Variants in UBXN8 observed in about 807,000 individuals in gnomAD.
The protein encoded by UBXN8 is UBX domain protein 8, also known as UBX domain-containing protein 8.
UBXN8 carries 27 observed loss-of-function variants against 32.1 expected under a neutral mutation model. That is an observed-to-expected ratio of 0.84 (90% confidence interval 0.62 to 1.16). UBXN8 has a LOEUF of 1.16. UBXN8 is among the 50% of genes most tolerant of loss of function. The pLI is 0.00. For synonymous variants in UBXN8, 109 were observed against 111.8 expected (o/e 0.98, Z 0.16); for missense variants, 306 against 311.4 (o/e 0.98, Z 0.13).
chr8:30,754,839 T>A, intron 4 of UBXN8, 52 bp downstream of exon 4: 1 of 1,520,776 alleles, frequency 6.6e-7, no homozygotes. Context: ...ATGTTTCCTA[T>A]TACATGATTG....
chr8:30,751,673 G>T lies in UBXN8; in HGVS notation c.211+155G>T, dbSNP rs1304775586. On this transcript the variant is annotated intron_variant, in intron 2 of 7. Coordinates refer to ENST00000265616, the MANE Select transcript of UBXN8 (RefSeq NM_005671.4). ...ACTTTAGTCATGATTTTTTGTGTTG[G>T]TTTTTAAACATTAGTGATGATTGTT... Among the ~76,000 whole-genome samples, 4 of 152,050 alleles carry T rather than the reference G, an allele frequency of 2.6e-5. No individual in the cohort carries two copies. In the East Asian group the frequency reaches 7.7e-4, roughly 29 times the overall value.
chr8:30,752,142 G>A lies in UBXN8; in HGVS notation c.211+624G>A, dbSNP rs188120471. 2.6e-3 allele frequency among the ~76,000 whole-genome samples: 393 copies of A among 152,184 alleles called. 5 individuals carry two copies. The highest frequency in any genetic ancestry group is 8.5e-3 in the African/African-American group (355 of 41,526). ...CTTGACCTCGTGATCCGCCCACCTCGGCCTCCCGATGTGTTGGGATCACAG... is the reference window on the plus strand; with the variant it reads ...CTTGACCTCGTGATCCGCCCACCTCAGCCTCCCGATGTGTTGGGATCACAG... On this transcript the variant is annotated intron_variant, in intron 2 of 7. Coordinates refer to ENST00000265616, the MANE Select transcript of UBXN8 (RefSeq NM_005671.4).
chr8:30,737,205 A>ATT (rs11427295), intron 1 of UBXN8, among the ~76,000 whole-genome samples: 7 of 151,124 alleles, frequency 4.6e-5, no homozygotes, highest in African/African-American at 1.2e-4. Flanking sequence ...CTGTTGATTG[A>ATT]TTTTTTTTTC....
rs573423726 is a variant in UBXN8, at chr8:30,757,086, C to T, written c.528+199C>T. 4.0e-5 allele frequency among the ~76,000 whole-genome samples: 6 copies of T among 151,728 alleles called. No individual in the cohort carries two copies. In the East Asian group the frequency reaches 9.7e-4, roughly 25 times the overall value. On this transcript the variant is annotated intron_variant, in intron 5 of 7. Transcript: ENST00000265616. Reference sequence around the variant, plus strand: ...CTGTAATCCCAACACTTTGGGAGGCCGAGGCCGATGGAGGTTGAGGCCAGG... The same window carrying T: ...CTGTAATCCCAACACTTTGGGAGGCTGAGGCCGATGGAGGTTGAGGCCAGG...
chr8:30,764,783 G>A (rs1805952244), intron 7 of UBXN8, among the ~76,000 whole-genome samples: 1 of 152,180 alleles, frequency 6.6e-6, no homozygotes, highest in African/African-American at 2.4e-5. Context: ...CGGGTACCAT[G>A]GCTCACGCCT....
chr8:30,739,269 G>A (rs1329419313), upstream of UBXN8, among the ~76,000 whole-genome samples: 1 of 151,030 alleles, frequency 6.6e-6, no homozygotes, highest in Non-Finnish European at 1.5e-5. Context: ...ACATGGCCGG[G>A]TATGGTGGCT....
chr8:30,763,148 CTA>C, intron 6 of UBXN8, 123 bp from the exon 7 acceptor site: 1 of 931,292 alleles, frequency 1.1e-6, no homozygotes, highest in Non-Finnish European at 1.7e-6. Context: ...CATGCCCTAC[CTA>C]TGTCTTTTAA....
upstream of UBXN8, among the ~76,000 whole-genome samples, chr8:30,739,462 TGA>T (rs1805149966): frequency 6.6e-6 from 1 of 152,150 alleles, no homozygotes; most frequent in African/African-American, 2.4e-5. Context: ...GAGAACGGCG[TGA>T]ACCTGGGAGG....
chr8:30,751,369 T>A, intron 1 of UBXN8, 27 bp from the exon 2 acceptor site: 1 of 1,542,924 alleles, frequency 6.5e-7, no homozygotes. Flanking sequence ...GTTTTGAATT[T>A]TAATTTTAGT....
chr8:30,745,289 A>G (rs1805333085), intron 1 of UBXN8, among the ~76,000 whole-genome samples: 1 of 152,204 alleles, frequency 6.6e-6, no homozygotes, highest in South Asian at 2.1e-4. Flanking sequence ...AGGGAAAGGA[A>G]GGATTCAAGG....
At chr8:30,735,326 C>T (rs1805047731) in intron 1 of UBXN8, among the ~76,000 whole-genome samples, 1 of 152,172 alleles carries the variant, frequency 6.6e-6, no homozygotes, top group Non-Finnish European at 1.5e-5. Context: ...TAGAAAGAAA[C>T]CATCACTGAG....
chr8:30,762,525 T>A (rs545302483), intron 6 of UBXN8, among the ~76,000 whole-genome samples: 3 of 152,166 alleles, frequency 2.0e-5, no homozygotes, highest in African/African-American at 7.2e-5. Flanking sequence ...CCTGAGTAGC[T>A]AAGACCACAG....
intron 1 of UBXN8, among the ~76,000 whole-genome samples, chr8:30,750,049 A>T (rs1805479081): frequency 6.6e-6 from 1 of 152,182 alleles, no homozygotes; most frequent in African/African-American, 2.4e-5. Flanking sequence ...TTTATTCTAG[A>T]ATTATGCTCT....
intron 1 of UBXN8, 170 bp downstream of exon 1, chr8:30,744,447 C>T (rs1805306729): frequency 1.5e-6 from 1 of 660,620 alleles, no homozygotes. Context: ...CTTCGAGGAA[C>T]CTTTTCCCTC....
At chr8:30,749,622 T>G (rs76033777) in intron 1 of UBXN8, among the ~76,000 whole-genome samples, 1 of 149,574 alleles carries the variant, frequency 6.7e-6, no homozygotes, top group Non-Finnish European at 1.5e-5. Flanking sequence ...TTTTTTTTTT[T>G]TGAGACAGAG....
At chr8:30,759,056 G>C (rs1805755075) in intron 5 of UBXN8, among the ~76,000 whole-genome samples, 1 of 151,440 alleles carries the variant, frequency 6.6e-6, no homozygotes, top group Non-Finnish European at 1.5e-5. Context: ...ACCACGCCCG[G>C]CTAATTTTTT....
chr8:30,763,867 T>C (rs1051772280), intron 7 of UBXN8, among the ~76,000 whole-genome samples: 39 of 152,104 alleles, frequency 2.6e-4, no homozygotes, highest in African/African-American at 8.9e-4. Flanking sequence ...GGCGGATGCC[T>C]GTAATCCCAC....
chr8:30,729,313 A>T (rs981632021), upstream of UBXN8, among the ~76,000 whole-genome samples: 4 of 152,228 alleles, frequency 2.6e-5, no homozygotes, highest in African/African-American at 9.6e-5. Context: ...CCGGGAAGGA[A>T]CAGGCACTTG....
At chr8:30,758,273 ATTAAC>A (rs1464798347) in intron 5 of UBXN8, among the ~76,000 whole-genome samples, 10 of 152,230 alleles carry the variant, frequency 6.6e-5, no homozygotes, top group Non-Finnish European at 2.9e-5. Context: ...AAGCATTCCT[ATTAAC>A]TTAAGAACAT....
Sources: allele counts gnomAD v4.1 joint callset (sites outside exome capture counted in the v4.1 genomes callset), GRCh38; gene constraint gnomAD v4.1.1; transcripts MANE v1.5; gene names NCBI Gene and HGNC (gene_info 2026-07-23, HGNC 2026-07-21).